The following EPHA10 variants were observed in gnomAD, a reference collection of about 807,000 sequenced individuals.
EPHA10 encodes the protein EPH receptor A10.
Under a neutral mutation model 109.7 loss-of-function variants are expected in EPHA10, and 120 were observed. The observed-to-expected ratio is 1.09, with a 90% CI of 0.94 to 1.27. The LOEUF (loss-of-function observed/expected upper bound fraction) is 1.27. Among genes scored for constraint, EPHA10 ranks in the 50% most tolerant of loss-of-function variants. The probability of loss-of-function intolerance (pLI) is 0.00; values close to 1 mark genes in which losing one functional copy is unlikely to be tolerated. For synonymous variants in EPHA10, 640 were observed against 618.9 expected, an observed-to-expected ratio of 1.03 and a Z score of -0.51; for missense variants, 1,396 against 1,411.1, an observed-to-expected ratio of 0.99 and a Z score of 0.17.
At chr1:37,734,690 A>G (rs1272505483) in intron 6 of EPHA10, 1 of 452,144 alleles carries the variant, frequency 2.2e-6, no homozygotes, top group Admixed American at 2.4e-5. Flanking sequence ...CAAGTATCCT[A>G]TGGGGATCAA....
Position 37,719,563 on chromosome 1 carries a change from C to T in EPHA10, c.2607G>A (p.Arg869=). 1 of 1,613,854 alleles carries T rather than the reference C, an allele frequency of 6.2e-7. No individual in the cohort carries two copies. Residue 869 remains arginine, a synonymous_variant, in exon 15 of 17, where the codon AGG becomes AGA. Coordinates refer to ENST00000373048, the MANE Select transcript of EPHA10 (RefSeq NM_001099439.2). Reference sequence around the variant, plus strand: ...GTCGGTGCAGAAGGTTAGGACAGTTCCTGGGGGGTGGCAGCCGGAAGCCAT... The same window carrying T: ...GTCGGTGCAGAAGGTTAGGACAGTTTCTGGGGGGTGGCAGCCGGAAGCCAT... The part of the protein sequence containing the change: ...VEDGFRLPPP[R]NCPNLLHRLM...
chr1:37,762,627 A>G lies in EPHA10; in HGVS notation c.171+158T>C, dbSNP rs187023771. 2.7e-3 allele frequency among the ~76,000 whole-genome samples: 409 copies of G among 149,816 alleles called. 7 individuals are homozygous for G. The highest frequency in any genetic ancestry group is 0.021 in the Middle Eastern group (6 of 290). On this transcript the variant is annotated intron_variant, in intron 2 of 16. Coordinates refer to ENST00000373048, the MANE Select transcript of EPHA10 (RefSeq NM_001099439.2). ...GACTGTCTAACTGGCTGAAGACTCA[A>G]TGTTTTCTAACAGGCCACTCTGGCT...
chr1:37,720,267 GAGT>G, intron 13 of EPHA10, 81 bp downstream of exon 13: 1 of 1,463,502 alleles, frequency 6.8e-7, no homozygotes, highest in Non-Finnish European at 9.2e-7. Flanking sequence ...GCAGGGAAAG[GAGT>G]AGAAGTGGGG....
chr1:37,737,880 G>GAATGT lies in EPHA10; in HGVS notation c.1358-2495_1358-2491dup, dbSNP rs565590327. 7.3e-5 allele frequency: 10 copies of GAATGT among 136,490 alleles called. No homozygotes were observed. The East Asian group carries it at 2.4e-3, about 33-fold the overall frequency. 8.5% of individuals were successfully genotyped at this position (136,490 alleles called of 1,614,324 possible). A position where few individuals can be genotyped will look rare whatever the true frequency, so the allele number is the denominator to read the frequency against. ...CATTTATCTAAGGGGTTAATATCCA[G>GAATGT]AATGTATAAAGAATGTCTAGAACTC... On this transcript the variant is annotated intron_variant, in intron 5 of 16. Coordinates refer to ENST00000373048, the MANE Select transcript of EPHA10 (RefSeq NM_001099439.2).
intron 5 of EPHA10, among the ~76,000 whole-genome samples, chr1:37,737,366 A>G (rs1646086112): frequency 6.6e-6 from 1 of 152,180 alleles, no homozygotes; most frequent in African/African-American, 2.4e-5. Flanking sequence ...CTTACTTCAA[A>G]ACATATTTCA....
intron 3 of EPHA10, among the ~76,000 whole-genome samples, chr1:37,758,945 T>A (rs1646411304): frequency 6.6e-6 from 1 of 152,180 alleles, no homozygotes; most frequent in Non-Finnish European, 1.5e-5. Flanking sequence ...GACTCCTTTC[T>A]CCTCCTGTAT....
In EPHA10 at chr1:37,762,862, G is replaced by A. The variant is rs759995503; in HGVS notation, c.107-13C>T. 5 of 1,549,842 alleles carry A rather than the reference G, an allele frequency of 3.2e-6. No homozygotes were observed. The highest frequency in any genetic ancestry group is 2.0e-5 in the Admixed American group (1 of 50,666). ...TCCAGGAGGATAACTAAGGAGAGGGGAAGACAGAAATATCAGAAATCGAGA... is the reference window on the plus strand; with the variant it reads ...TCCAGGAGGATAACTAAGGAGAGGGAAAGACAGAAATATCAGAAATCGAGA... On this transcript the variant is annotated splice_polypyrimidine_tract_variant and intron_variant, in intron 1 of 16. Coordinates refer to ENST00000373048, the MANE Select transcript of EPHA10 (RefSeq NM_001099439.2).
At chr1:37,759,118 TC>T (rs1157994236) in intron 3 of EPHA10, among the ~76,000 whole-genome samples, 1 of 152,114 alleles carries the variant, frequency 6.6e-6, no homozygotes, top group Non-Finnish European at 1.5e-5. Flanking sequence ...CCCTCTTCAA[TC>T]CTTTCTTTGC....
At chr1:37,719,319 G>A (rs1179131315) in intron 15 of EPHA10, 95 bp downstream of exon 15, 3 of 1,394,482 alleles carry the variant, frequency 2.2e-6, no homozygotes, top group African/African-American at 1.4e-5. Flanking sequence ...CTCTTGGACA[G>A]GTGGGGTGGT....
intron 1 of EPHA10, among the ~76,000 whole-genome samples, chr1:37,763,596 T>C (rs1646451642): frequency 6.6e-6 from 1 of 151,878 alleles, no homozygotes; most frequent in Non-Finnish European, 1.5e-5. Context: ...GCTCTCAGAT[T>C]GGGGGTGGGA....
At position 37,761,956 on chromosome 1, in the gene EPHA10, C is replaced by A. The variant is rs773214665; in HGVS notation, c.299G>T (p.Arg100Leu). The change falls in exon 3 of 17, where the codon CGC becomes CTC. Residue 100 changes from arginine to leucine, a missense_variant. Arg to Leu is a moderately radical substitution (Grantham distance 102). Coordinates refer to ENST00000373048, the MANE Select transcript of EPHA10 (RefSeq NM_001099439.2). ...TGTGAACTGCAGTTCCACGAAGATG[C>A]GCTGCCCGCGGCCACGGCTTATCCA... The part of the protein sequence containing the change: ...TGWISRGRGQ[R>L]IFVELQFTLR... 6.2e-7 allele frequency: 1 copy of A among 1,614,114 alleles called. No homozygotes were observed. The highest frequency in any genetic ancestry group is 8.5e-7 in the Non-Finnish European group (1 of 1,180,000).
chr1:37,752,463 T>A (rs1294654826), intron 5 of EPHA10, among the ~76,000 whole-genome samples: 1 of 152,040 alleles, frequency 6.6e-6, no homozygotes, highest in Non-Finnish European at 1.5e-5. Flanking sequence ...GACATTTTTT[T>A]AAAGGGAAGG....
chr1:37,762,393 C>G (rs1318518971), intron 2 of EPHA10, among the ~76,000 whole-genome samples: 1 of 152,164 alleles, frequency 6.6e-6, no homozygotes, highest in African/African-American at 2.4e-5. Flanking sequence ...GCTGCTGTTA[C>G]AGCCCACATC....
Position 37,762,807 on chromosome 1 carries a change from C to A in EPHA10, c.149G>T (p.Trp50Leu). 6.4e-7 allele frequency: 1 copy of A among 1,553,780 alleles called. No homozygotes were observed. Among genetic ancestry groups the A allele is most frequent in the Non-Finnish European group, 8.7e-7 (1 of 1,147,914 alleles). ...DSKASQAELG[W>L]TALPSNGWEE... ...TACCCCATTACTTGGCAGTGCAGTC[C>A]AGCCCAGCTCGGCCTGGGAGGCTTT... Residue 50 changes from tryptophan (W) to leucine (L), a missense_variant, in exon 2 of 17, where the codon TGG becomes TTG. By Grantham distance (61) the Trp-to-Leu change is moderately conservative. Transcript: ENST00000373048.
At position 37,720,478 on chromosome 1, in the gene EPHA10, G is replaced by C. The variant is rs369517232; in HGVS notation, c.2285C>G (p.Ser762Ter). Residue 762 changes from serine to a stop codon, truncating the protein, a stop_gained, in exon 13 of 17, where the codon TCA (serine) becomes TGA (stop). Coordinates refer to ENST00000373048, the MANE Select transcript of EPHA10 (RefSeq NM_001099439.2). LOFTEE classifies it high-confidence loss of function. ...GCCCCGGTGAACGTAGCCCATCTCT[G>C]ACAGATACTTCATGGCTGATGCCAG... ...PGLASAMKYL[S>*]EMGYVHRGLA... The C allele has an allele frequency of 5.6e-6, 9 of 1,613,434 alleles. No homozygotes were observed. Among genetic ancestry groups the C allele is most frequent in the East Asian group, 2.2e-5 (1 of 44,888 alleles).
At chr1:37,748,049 G>T (rs569293858) in intron 5 of EPHA10, among the ~76,000 whole-genome samples, 2 of 152,074 alleles carry the variant, frequency 1.3e-5, no homozygotes, top group Non-Finnish European at 2.9e-5. Flanking sequence ...TGATCAAGAC[G>T]TTACAGTAAA....
At position 37,760,537 on chromosome 1, in the gene EPHA10, C is replaced by CT. The variant is rs1569770174; in HGVS notation, c.850+867dup. 1.1e-5 allele frequency: 9 copies of CT among 806,076 alleles called. No individual in the cohort carries two copies. The East Asian group carries it at 5.1e-4, about 46-fold the overall frequency. The allele number at this position is 806,076 out of a possible 1,614,324, so 49.9% of individuals were successfully genotyped here. Reference sequence around the variant, plus strand: ...CCTCTCTCCAGCATAAAAATCCCCCCTGCCAGCCTCTAACTTGCAAGTATT... The same window carrying CT: ...CCTCTCTCCAGCATAAAAATCCCCCCTTGCCAGCCTCTAACTTGCAAGTATT... On this transcript the variant is annotated intron_variant, in intron 3 of 16. Transcript: ENST00000373048.
In EPHA10 at chr1:37,754,410, T is replaced by C; in HGVS notation, c.851-40A>G. ...TGGTGAGAAGAGGGGGCTCCTCCAGTTTCTCCCCGCTTTCCTGACTGGCCT... is the reference window on the plus strand; with the variant it reads ...TGGTGAGAAGAGGGGGCTCCTCCAGCTTCTCCCCGCTTTCCTGACTGGCCT... On this transcript the variant is annotated intron_variant, in intron 3 of 16. Coordinates refer to ENST00000373048, the MANE Select transcript of EPHA10 (RefSeq NM_001099439.2). This position sits in a 1 kb window ranked among gnomAD's most constrained non-coding sequence, Gnocchi z 4.5. 3.1e-6 allele frequency: 4 copies of C among 1,274,068 alleles called. No individual in the cohort carries two copies. Among genetic ancestry groups the C allele is most frequent in the Non-Finnish European group, 4.0e-6 (4 of 1,007,022 alleles). 78.9% of individuals were successfully genotyped at this position (1,274,068 alleles called of 1,614,324 possible).
At chr1:37,760,569 G>T in intron 3 of EPHA10, 3 of 448,870 alleles carry the variant, frequency 6.7e-6, no homozygotes, top group Non-Finnish European at 9.4e-6. Context: ...TATTTGGTCC[G>T]TGACTGGGAG....
Sources: allele counts gnomAD v4.1 joint callset (sites outside exome capture counted in the v4.1 genomes callset), GRCh38; gene constraint gnomAD v4.1.1; non-coding constraint Gnocchi (gnomAD v3.1); transcripts MANE v1.5; gene names NCBI Gene and HGNC (gene_info 2026-07-23, HGNC 2026-07-21).